Variants in NRXN3 observed in about 807,000 individuals in gnomAD.
The protein encoded by NRXN3 is neurexin III.
Under a neutral mutation model 137.6 loss-of-function variants are expected in NRXN3, and 32 were observed. That is an observed-to-expected ratio of 0.23 (90% CI 0.18 to 0.31). The LOEUF is 0.31. Among genes scored for constraint, NRXN3 ranks in the 10% least tolerant of loss-of-function variants. NRXN3 has a pLI of 1.00. For missense variants in NRXN3, 1,574 were observed against 2,062.5 expected (o/e 0.76, Z 4.59); for synonymous variants, 798 against 784.5 (o/e 1.02, Z -0.29).
At chr14:79,517,509 C>T (rs867655339) in intron 16 of NRXN3, among the ~76,000 whole-genome samples, 3 of 151,976 alleles carry the variant, frequency 2.0e-5, no homozygotes, top group Admixed American at 6.6e-5. Flanking sequence ...ATCCTTATTT[C>T]GACACTTAAT....
chr14:78,197,828 C>T (rs886732451), intron 1 of NRXN3, among the ~76,000 whole-genome samples: 3 of 152,208 alleles, frequency 2.0e-5, no homozygotes, highest in African/African-American at 7.2e-5. Flanking sequence ...GCTTCTAAAA[C>T]ACCTCCAGTC....
intron 15 of NRXN3, among the ~76,000 whole-genome samples, chr14:79,448,313 T>G (rs1228609584): frequency 2.0e-5 from 3 of 152,186 alleles, no homozygotes; most frequent in African/African-American, 7.2e-5. Flanking sequence ...CAACCCATTC[T>G]AAACAGCCCT....
At chr14:78,274,990 A>T (rs1205118349) in intron 2 of NRXN3, among the ~76,000 whole-genome samples, 1 of 152,140 alleles carries the variant, frequency 6.6e-6, no homozygotes, top group Non-Finnish European at 1.5e-5. Context: ...CATAACTTAG[A>T]AATAACTAAC....
chr14:79,445,216 T>A (rs2096041322), intron 15 of NRXN3, among the ~76,000 whole-genome samples: 1 of 151,848 alleles, frequency 6.6e-6, no homozygotes, highest in Admixed American at 6.6e-5. Flanking sequence ...GACACACACC[T>A]GTAGTCCCAG....
At chr14:78,242,280 A>G (rs1164324790) in intron 1 of NRXN3, 111 bp from the exon 2 acceptor site, 12 of 152,212 alleles carry the variant, frequency 7.9e-5, no homozygotes, top group Admixed American at 7.9e-4. Context: ...AATCACTAGA[A>G]TAGCTTGGCT....
chr14:79,152,031 GT>G (rs993317090), intron 15 of NRXN3, among the ~76,000 whole-genome samples: 2 of 151,898 alleles, frequency 1.3e-5, no homozygotes, highest in Admixed American at 1.3e-4. Context: ...TTCATCCCCA[GT>G]TTTTTTCTAC....
chr14:78,646,049 C>T (rs982118146), intron 5 of NRXN3, among the ~76,000 whole-genome samples: 3 of 152,148 alleles, frequency 2.0e-5, no homozygotes, highest in African/African-American at 4.8e-5. Context: ...TCTCTCCCTC[C>T]GAGACTCTTC....
chr14:79,677,482 C>T (rs2154006977), intron 17 of NRXN3, among the ~76,000 whole-genome samples: 1 of 152,000 alleles, frequency 6.6e-6, no homozygotes, highest in Non-Finnish European at 1.5e-5. Context: ...AAATGAATAG[C>T]TGGATTAGTT....
chr14:78,953,184 T>C (rs1008998380), intron 10 of NRXN3, among the ~76,000 whole-genome samples: 4 of 152,186 alleles, frequency 2.6e-5, no homozygotes, highest in African/African-American at 9.6e-5. Flanking sequence ...TGCTCAAATA[T>C]AGATTTTTAA....
At chr14:79,076,166 C>A (rs552860295) in intron 15 of NRXN3, among the ~76,000 whole-genome samples, 1 of 152,302 alleles carries the variant, frequency 6.6e-6, no homozygotes, top group East Asian at 1.9e-4. Context: ...GTCACCTCAA[C>A]TATTGATTCC....
At chr14:78,572,370 G>A (rs1198243030) in intron 4 of NRXN3, among the ~76,000 whole-genome samples, 3 of 152,130 alleles carry the variant, frequency 2.0e-5, no homozygotes, top group Non-Finnish European at 4.4e-5. Flanking sequence ...CCACTGGGTA[G>A]CCCATCCTTG....
At chr14:78,596,268 G>A (rs1234277024) in intron 4 of NRXN3, among the ~76,000 whole-genome samples, 1 of 152,052 alleles carries the variant, frequency 6.6e-6, no homozygotes, top group Non-Finnish European at 1.5e-5. Flanking sequence ...TTTTTCCCAA[G>A]CTCTCTTCAC....
At chr14:79,428,521 TC>T (rs746908227) in intron 15 of NRXN3, among the ~76,000 whole-genome samples, 19 of 152,212 alleles carry the variant, frequency 1.2e-4, no homozygotes, top group Middle Eastern at 6.8e-3. Flanking sequence ...TTCTTTAAAT[TC>T]TAAACAGAGA....
intron 4 of NRXN3, among the ~76,000 whole-genome samples, chr14:78,404,065 C>A (rs7144816): frequency 0.61 from 92,462 of 151,844 alleles, 28,993 homozygotes; most frequent in African/African-American, 0.75. Flanking sequence ...GAAAGGATAA[C>A]CAAAAGAAAG....
chr14:79,713,992 T>C (rs1359971654), intron 19 of NRXN3, among the ~76,000 whole-genome samples: 1 of 152,168 alleles, frequency 6.6e-6, no homozygotes, highest in Non-Finnish European at 1.5e-5. Flanking sequence ...TGTTTGGTGA[T>C]AAAGTCTTTT....
chr14:79,006,626 T>C (rs920662584), intron 15 of NRXN3, among the ~76,000 whole-genome samples: 2 of 152,186 alleles, frequency 1.3e-5, no homozygotes, highest in Non-Finnish European at 2.9e-5. Context: ...AATCCACTTA[T>C]ATTAGAGCCT....
intron 15 of NRXN3, among the ~76,000 whole-genome samples, chr14:79,370,314 TTTTTTTTTG>T (rs1441808927): frequency 1.8e-5 from 2 of 111,474 alleles, no homozygotes; most frequent in Non-Finnish European, 4.0e-5. Flanking sequence ...TTTTTTTGGG[TTTTTTTTTG>T]TTTTTTTTTT....
chr14:79,704,925 G>A (rs1231828188), intron 19 of NRXN3, among the ~76,000 whole-genome samples: 1 of 152,126 alleles, frequency 6.6e-6, no homozygotes. Flanking sequence ...GTACAAATAG[G>A]CAAGTGAAAA....
intron 15 of NRXN3, among the ~76,000 whole-genome samples, chr14:79,174,559 G>A (rs1410091582): frequency 6.8e-6 from 1 of 145,994 alleles, no homozygotes; most frequent in East Asian, 2.0e-4. Flanking sequence ...TCCTAATTAT[G>A]AGACTCTCAT....
Sources: gnomAD v4.1 joint callset for allele counts (sites outside exome capture counted in the v4.1 genomes callset) on GRCh38, gnomAD v4.1.1 for gene constraint, MANE v1.5 for transcripts, NCBI Gene and HGNC (gene_info 2026-07-23, HGNC 2026-07-21) for gene names.